The following ST14 variants were observed in gnomAD, a reference collection of about 807,000 sequenced individuals.
ST14 encodes ST14 transmembrane serine protease matriptase.
Under a neutral mutation model 96.5 loss-of-function variants are expected in ST14, and 40 were observed. The observed-to-expected ratio is 0.41, with a 90% CI of 0.32 to 0.54. ST14 has a LOEUF of 0.54. ST14 is among the 20% of genes least tolerant of loss of function. The pLI is 0.17. For missense variants in ST14, 1,066 were observed against 1,188.9 expected (o/e 0.90, Z 1.52); for synonymous variants, 506 against 492.1 (o/e 1.03, Z -0.37).
At chr11:130,198,074 G>A in intron 12 of ST14, 129 bp downstream of exon 12, 1 of 1,013,222 alleles carries the variant, frequency 9.9e-7, no homozygotes, top group Admixed American at 2.0e-5. Context: ...TCGGCCCTGT[G>A]TAGAGACCTC....
intron 16 of ST14, among the ~76,000 whole-genome samples, chr11:130,201,896 G>A (rs1304364239): frequency 6.6e-6 from 1 of 152,188 alleles, no homozygotes; most frequent in Admixed American, 6.5e-5. Context: ...TCTCTTTGAG[G>A]TTGGCTTTTG....
intron 12 of ST14, 91 bp from the exon 13 acceptor site, chr11:130,198,217 C>T (rs955216162): frequency 1.8e-5 from 22 of 1,243,350 alleles, no homozygotes; most frequent in Non-Finnish European, 2.5e-5. Context: ...GATCAGAAAG[C>T]GGTCCCCAGG....
chr11:130,209,490 A>AGACCACCTGCGAG lies in ST14; in HGVS notation c.2319_2331dup (p.Asn778AspfsTer31). The AGACCACCTGCGAG allele has an allele frequency of 6.3e-7, 1 of 1,587,390 alleles. No individual in the cohort carries two copies. Among genetic ancestry groups the AGACCACCTGCGAG allele is most frequent in the Non-Finnish European group, 8.6e-7 (1 of 1,167,078 alleles). On this transcript the variant is annotated frameshift_variant, in exon 18 of 19. Coordinates refer to ENST00000278742, the MANE Select transcript of ST14 (RefSeq NM_021978.4). LOFTEE classifies it high-confidence loss of function. ...AAGGGTGAGATCCGCGTCATCAACC[A>AGACCACCTGCGAG]GACCACCTGCGAGAACCTCCTGCCG...
At position 130,196,435 on chromosome 11, in the gene ST14, A is replaced by T. The variant is rs776654305; in HGVS notation, c.1210A>T (p.Ile404Phe). The change falls in exon 10 of 19, where the codon ATC becomes TTC. Residue 404 changes from isoleucine (I) to phenylalanine (F), a missense_variant. Physicochemically the swap from Ile to Phe is conservative, Grantham distance 21. Coordinates refer to ENST00000278742, the MANE Select transcript of ST14 (RefSeq NM_021978.4). ...CACCTGCCCCAAGGACTACGTGGAG[A>T]TCAACGGGGAGAAGTGAGTCCCCGG... ...AGTCPKDYVE[I>F]NGEKYCGERS... The T allele has an allele frequency of 7.4e-5, 119 of 1,609,004 alleles. No homozygotes were observed. Among genetic ancestry groups the T allele is most frequent in the Non-Finnish European group, 9.8e-5 (116 of 1,177,932 alleles).
intron 5 of ST14, 35 bp from the exon 6 acceptor site, chr11:130,190,078 T>C (rs1953280541): frequency 1.2e-6 from 2 of 1,613,912 alleles, no homozygotes; most frequent in Non-Finnish European, 8.5e-7. Flanking sequence ...ATGGATTGTA[T>C]CAGGAAATGC....
rs1953196175 is a variant in ST14 at position 130,181,852 on chromosome 11, C to T, written c.82-6262C>T. ...GGAAGCAGCCCAGTTACTGATTAGA[C>T]AGCACTTTTAGGCTGGGTGGAGCCA... On this transcript the variant is annotated intron_variant, in intron 1 of 18. Coordinates refer to ENST00000278742, the MANE Select transcript of ST14 (RefSeq NM_021978.4). The surrounding 1 kb of genome is among the most constrained non-coding windows in gnomAD (Gnocchi z 4.1). Among the ~76,000 whole-genome samples the T allele has an allele frequency of 6.6e-6, 1 of 152,226 alleles. No homozygotes were observed. Among genetic ancestry groups the T allele is most frequent in the Non-Finnish European group, 1.5e-5 (1 of 68,042 alleles).
Position 130,192,492 on chromosome 11 carries a change from G to A in ST14, c.876-1657G>A, listed in dbSNP as rs373225291. The stretch of plus-strand genomic sequence containing the variant: ...CAACCTCCGCCTCCTGGGTTCATGC[G>A]ATTCTCCTGCTTCATCCTCTCGAGC... On this transcript the variant is annotated intron_variant, in intron 7 of 18. Coordinates refer to ENST00000278742, the MANE Select transcript of ST14 (RefSeq NM_021978.4). 3.9e-5 allele frequency among the ~76,000 whole-genome samples: 6 copies of A among 152,282 alleles called. No individual in the cohort carries two copies. In the East Asian group the frequency reaches 7.7e-4, roughly 20 times the overall value.
chr11:130,167,581 C>T (rs1013353988), intron 1 of ST14, among the ~76,000 whole-genome samples: 8 of 152,174 alleles, frequency 5.3e-5, no homozygotes, highest in African/African-American at 1.9e-4. Flanking sequence ...TATCATACCT[C>T]ATGCTAGATT....
rs56764956 is a variant in ST14, at chr11:130,176,788, C to CTT, written c.82-11299_82-11298dup. Among the ~76,000 whole-genome samples, 175 of 59,250 alleles carry CTT rather than the reference C, an allele frequency of 3.0e-3. 26 individuals carry two copies. The highest frequency in any genetic ancestry group is 0.026 in the Middle Eastern group (2 of 78). The allele number at this position is 59,250 out of a possible 152,430, so 38.9% of individuals were successfully genotyped here. On this transcript the variant is annotated intron_variant, in intron 1 of 18. Transcript: ENST00000278742. The stretch of plus-strand genomic sequence containing the variant: ...AGGGATTTTTTCTTTTAGGGCTTAA[C>CTT]TTTTTTTTTTTTTTTTTTTTTTTTT...
intron 7 of ST14, among the ~76,000 whole-genome samples, chr11:130,192,425 G>A (rs1294015361): frequency 6.6e-6 from 1 of 152,216 alleles, no homozygotes; most frequent in Non-Finnish European, 1.5e-5. Context: ...ATCTCGCTCT[G>A]TCGCCCAGGC....
intron 1 of ST14, among the ~76,000 whole-genome samples, chr11:130,160,686 G>A (rs1952992556): frequency 6.6e-6 from 1 of 152,204 alleles, no homozygotes; most frequent in South Asian, 2.1e-4. Context: ...AGCCTTTTGC[G>A]AAGTACCGAA....
At chr11:130,200,987 G>A (rs1565627927) in intron 16 of ST14, among the ~76,000 whole-genome samples, 2 of 152,236 alleles carry the variant, frequency 1.3e-5, no homozygotes, top group Non-Finnish European at 2.9e-5. Context: ...AACTTCCTAG[G>A]CCTTGGGTTC....
At chr11:130,185,620 C>A (rs1430012374) in intron 1 of ST14, among the ~76,000 whole-genome samples, 2 of 152,134 alleles carry the variant, frequency 1.3e-5, no homozygotes, top group Admixed American at 1.3e-4. Flanking sequence ...CAGACCACTG[C>A]ACTCCAGCCT....
intron 16 of ST14, among the ~76,000 whole-genome samples, chr11:130,207,278 C>T (rs941400069): frequency 5.3e-5 from 8 of 152,144 alleles, no homozygotes; most frequent in Non-Finnish European, 8.8e-5. Flanking sequence ...CCAGCGGGCA[C>T]GGTGGCTTAT....
intron 1 of ST14, among the ~76,000 whole-genome samples, chr11:130,172,713 G>A (rs540130120): frequency 2.0e-5 from 3 of 152,204 alleles, no homozygotes; most frequent in African/African-American, 2.4e-5. Context: ...CACCGCGCCC[G>A]GCCATTGCTG....
intron 1 of ST14, among the ~76,000 whole-genome samples, chr11:130,182,976 A>G (rs1429175805): frequency 6.7e-6 from 1 of 149,550 alleles, no homozygotes; most frequent in Non-Finnish European, 1.5e-5. Flanking sequence ...TTTTTTTTGA[A>G]ATGGAGTTTC....
chr11:130,195,070 A>G (rs1473421258), intron 9 of ST14, among the ~76,000 whole-genome samples: 2 of 152,106 alleles, frequency 1.3e-5, no homozygotes, highest in Non-Finnish European at 2.9e-5. Context: ...TAACATAGTG[A>G]GACCTCATCT....
At chr11:130,175,808 C>T (rs749440941) in intron 1 of ST14, among the ~76,000 whole-genome samples, 18 of 152,062 alleles carry the variant, frequency 1.2e-4, no homozygotes, top group South Asian at 2.1e-4. Flanking sequence ...GGACTACAGG[C>T]GTGTGCCACC....
At chr11:130,204,692 C>T (rs1953468838) in intron 16 of ST14, among the ~76,000 whole-genome samples, 1 of 151,374 alleles carries the variant, frequency 6.6e-6, no homozygotes, top group Non-Finnish European at 1.5e-5. Context: ...TGCACCTGCA[C>T]TCCCAGCTAC....
Sources: gnomAD v4.1 joint callset for allele counts (sites outside exome capture counted in the v4.1 genomes callset) on GRCh38, gnomAD v4.1.1 for gene constraint, Gnocchi (gnomAD v3.1) non-coding constraint, MANE v1.5 for transcripts, NCBI Gene and HGNC (gene_info 2026-07-23, HGNC 2026-07-21) for gene names.